Variants in ARHGEF1 observed in about 807,000 individuals in gnomAD.
ARHGEF1 encodes the protein 115 kDa guanine nucleotide exchange factor.
In ARHGEF1, 40 loss-of-function variants were observed where a neutral mutation model predicts 119.7. The ratio of observed to expected loss-of-function variants is 0.33; its 90% CI spans 0.26 to 0.44. ARHGEF1 has a LOEUF of 0.44. Among genes scored for constraint, ARHGEF1 ranks in the 20% least tolerant of loss-of-function variants. The pLI is 1.00. For missense variants in ARHGEF1, 976 were observed against 1,268.3 expected, an observed-to-expected ratio of 0.77 and a Z score of 3.50; for synonymous variants, 494 against 521.0, an observed-to-expected ratio of 0.95 and a Z score of 0.71.
rs1555850544 is a variant in ARHGEF1, at chr19:41,907,321, C to T, written c.*234C>T. Reference sequence around the variant, plus strand: ...GGACTCAGGGCTCCATTCTGGAGGGCACCACGGTGACCCGGGCCATCTCAG... The same window carrying T: ...GGACTCAGGGCTCCATTCTGGAGGGTACCACGGTGACCCGGGCCATCTCAG... On this transcript the variant is annotated 3_prime_UTR_variant, in exon 29 of 29. Coordinates refer to ENST00000354532, the MANE Select transcript of ARHGEF1 (RefSeq NM_004706.4). 14 of 1,534,252 alleles carry T rather than the reference C, an allele frequency of 9.1e-6. No individual in the cohort carries two copies. The African/African-American group carries it at 9.6e-5, about 11-fold the overall frequency.
chr19:41,919,120 ACAT>A (rs2074822294), upstream of ARHGEF1, among the ~76,000 whole-genome samples: 1 of 151,404 alleles, frequency 6.6e-6, no homozygotes, highest in South Asian at 2.1e-4. Flanking sequence ...CATACCACAC[ACAT>A]CACCCACATA....
chr19:41,892,787 CAGCTACG>C lies in ARHGEF1; in HGVS notation c.555_561del (p.Ser185ArgfsTer63). 1 of 1,600,060 alleles carries C rather than the reference CAGCTACG, an allele frequency of 6.2e-7. No homozygotes were observed. Among genetic ancestry groups the C allele is most frequent in the Non-Finnish European group, 8.5e-7 (1 of 1,175,430 alleles). On this transcript the variant is annotated frameshift_variant, in exon 7 of 29. Coordinates refer to ENST00000354532, the MANE Select transcript of ARHGEF1 (RefSeq NM_004706.4). LOFTEE classifies it high-confidence loss of function. The surrounding 1 kb of genome is among the most constrained non-coding windows in gnomAD (Gnocchi z 6.3). ...AGGCTTGGGTTGGGCGGGACCGAGC[CAGCTACG>C]AGGCCCGGGAGCGGCACGTGGCGGA...
At chr19:41,925,601 G>A (rs1216480730) in intron 1 of ARHGEF1, among the ~76,000 whole-genome samples, 1 of 152,144 alleles carries the variant, frequency 6.6e-6, no homozygotes, top group Non-Finnish European at 1.5e-5. Flanking sequence ...CCATGAGGAG[G>A]GTACTAGTGT....
intron 13 of ARHGEF1, chr19:41,897,202 T>C (rs1228296924): frequency 9.2e-7 from 1 of 1,082,230 alleles, no homozygotes; most frequent in Non-Finnish European, 1.2e-6. Flanking sequence ...GGGGGCAGGC[T>C]CTGCCTCCTG....
At chr19:41,923,696 G>A (rs1555852908) in intron 1 of ARHGEF1, among the ~76,000 whole-genome samples, 1 of 52,276 alleles carries the variant, frequency 1.9e-5, no homozygotes, top group Non-Finnish European at 3.7e-5. Flanking sequence ...AGGCAGGGGT[G>A]TGCTGGGAGG....
chr19:41,887,871 C>T (rs1257467631), intron 1 of ARHGEF1, among the ~76,000 whole-genome samples, 193 bp from the exon 2 acceptor site: 7 of 152,218 alleles, frequency 4.6e-5, no homozygotes, highest in Non-Finnish European at 8.8e-5. Flanking sequence ...GCAAGGCTCC[C>T]GTCCCTGGGC....
At position 41,892,898 on chromosome 19, in the gene ARHGEF1, G is replaced by T; in HGVS notation, c.614+49G>T. 6.9e-7 allele frequency: 1 copy of T among 1,449,324 alleles called. No homozygotes were observed. Among genetic ancestry groups the T allele is most frequent in the South Asian group, 1.4e-5 (1 of 72,658 alleles). The allele number at this position is 1,449,324 out of a possible 1,614,324, so 89.8% of individuals were successfully genotyped here. A position where few individuals can be genotyped will look rare whatever the true frequency, so the allele number is the denominator to read the frequency against. ...AGCGTCGCCCCTCCCCAGCACAAGG[G>T]CACCCGTGCTACCTCTGGCATGTTC... On this transcript the variant is annotated intron_variant, in intron 7 of 28. Transcript: ENST00000354532. This position sits in a 1 kb window ranked among gnomAD's most constrained non-coding sequence, Gnocchi z 6.3.
In ARHGEF1 at chr19:41,902,947, A is replaced by G; in HGVS notation, c.1738+49A>G. On this transcript the variant is annotated intron_variant, in intron 18 of 28. Transcript: ENST00000354532. This position sits in a 1 kb window ranked among gnomAD's most constrained non-coding sequence, Gnocchi z 6.5. ...GCCTCGGCTCTCCTCTTTTTTTTTTACATTTTTTTTCTCACTCATTTTCAT... is the reference window on the plus strand; with the variant it reads ...GCCTCGGCTCTCCTCTTTTTTTTTTGCATTTTTTTTCTCACTCATTTTCAT... The G allele has an allele frequency of 7.2e-7, 1 of 1,392,896 alleles. No homozygotes were observed. The highest frequency in any genetic ancestry group is 2.4e-5 in the Admixed American group (1 of 41,122). The allele number at this position is 1,392,896 out of a possible 1,614,324, so 86.3% of individuals were successfully genotyped here. A position where few individuals can be genotyped will look rare whatever the true frequency, so the allele number is the denominator to read the frequency against.
chr19:41,908,787 G>T (rs1599670301), downstream of ARHGEF1: 1 of 543,168 alleles, frequency 1.8e-6, no homozygotes, highest in Non-Finnish European at 2.8e-6. The surrounding 1 kb of genome is among the most constrained non-coding windows in gnomAD (Gnocchi z 6.7). Flanking sequence ...CCTCCTACAT[G>T]GCATCTTACC....
At chr19:41,908,204 C>T (rs1162398891), downstream of ARHGEF1, 1 of 1,231,634 alleles carries the variant, frequency 8.1e-7, no homozygotes, top group Admixed American at 4.2e-5. The surrounding 1 kb of genome is among the most constrained non-coding windows in gnomAD (Gnocchi z 6.7). Context: ...CCTGCCTCAG[C>T]AGAATCCATT....
Position 41,892,627 on chromosome 19 carries a change from C to G in ARHGEF1, c.392C>G (p.Ser131Cys). The G allele has an allele frequency of 6.2e-7, 1 of 1,609,984 alleles. No homozygotes were observed. The highest frequency in any genetic ancestry group is 1.1e-5 in the South Asian group (1 of 90,538). The change falls in exon 7 of 29, where the codon TCC (serine) becomes TGC (cysteine). Residue 131 changes from serine to cysteine, a missense_variant. By Grantham distance (112) the Ser-to-Cys change is moderately radical. Transcript: ENST00000354532. This position sits in a 1 kb window ranked among gnomAD's most constrained non-coding sequence, Gnocchi z 6.3. ...GACCGCACTAGGGCTGACCTCATCT[C>G]CGAGGATGTCCAGCGGCGGTTCGTG... Reference protein sequence around the residue: ...ELDRTRADLISEDVQRRFVQE... With the variant: ...ELDRTRADLICEDVQRRFVQE...
intron 12 of ARHGEF1, 42 bp from the exon 13 acceptor site, chr19:41,896,333 GCC>G: frequency 8.6e-7 from 1 of 1,166,908 alleles, no homozygotes; most frequent in Non-Finnish European, 1.1e-6. Flanking sequence ...GGGTCTCGTG[GCC>G]GCAGAGGCCT....
downstream of ARHGEF1, chr19:41,908,552 G>A (rs782525663): frequency 3.0e-5 from 37 of 1,231,686 alleles, no homozygotes; most frequent in Non-Finnish European, 3.5e-5. This position sits in a 1 kb window ranked among gnomAD's most constrained non-coding sequence, Gnocchi z 6.7. Flanking sequence ...AATGCGGGGG[G>A]TAGAGAGAGG....
chr19:41,894,364 T>A (rs2074441575), intron 9 of ARHGEF1, 58 bp downstream of exon 9: 1 of 1,515,400 alleles, frequency 6.6e-7, no homozygotes. Context: ...CCTGGGAGCC[T>A]CATGACTCTG....
chr19:41,920,652 T>C (rs1555852398), upstream of ARHGEF1, among the ~76,000 whole-genome samples: 1 of 152,224 alleles, frequency 6.6e-6, no homozygotes, highest in Admixed American at 6.5e-5. Context: ...GGAGCACGCA[T>C]GTCTACACAG....
intron 1 of ARHGEF1, among the ~76,000 whole-genome samples, chr19:41,885,513 G>A (rs1406190809): frequency 1.3e-5 from 2 of 152,178 alleles, no homozygotes; most frequent in East Asian, 3.9e-4. Flanking sequence ...CCAGGCTGGA[G>A]TGCAGTGGCG....
chr19:41,915,953 CG>C (rs1398555872), intron 18 of ARHGEF1, among the ~76,000 whole-genome samples: 245 of 152,140 alleles, frequency 1.6e-3, no homozygotes, highest in African/African-American at 5.7e-3. Context: ...CCCCGCCGGC[CG>C]GCGTGGTGCG....
In ARHGEF1 at chr19:41,905,665, C is replaced by A; in HGVS notation, c.2337-95C>A. ...CTCGACCTCTGTCTCTGTCTCCGGA[C>A]CTCCCTGCCTCCCCACCTCCAGCTC... On this transcript the variant is annotated intron_variant, in intron 24 of 28. Transcript: ENST00000354532. The surrounding 1 kb of genome is among the most constrained non-coding windows in gnomAD (Gnocchi z 6.4). The A allele has an allele frequency of 1.5e-6, 2 of 1,327,646 alleles. No homozygotes were observed. Among genetic ancestry groups the A allele is most frequent in the South Asian group, 1.2e-5 (1 of 81,384 alleles). The allele number at this position is 1,327,646 out of a possible 1,614,324, so 82.2% of individuals were successfully genotyped here. A position where few individuals can be genotyped will look rare whatever the true frequency, so the allele number is the denominator to read the frequency against.
In ARHGEF1 at chr19:41,901,986, A is replaced by T; in HGVS notation, c.1367A>T (p.Glu456Val). Residue 456 changes from glutamate (E) to valine (V), a missense_variant, in exon 15 of 29, where the codon GAG (glutamate) becomes GTG (valine). This residue lies in a region of ARHGEF1 where 286 missense variants were observed against 506.8 expected (regional missense o/e 0.56). Transcript: ENST00000354532. Reference protein sequence around the residue: ...MAECLFFPLEELQNIFPSLDE... With the variant: ...MAECLFFPLEVLQNIFPSLDE... ...GAATGCCTGTTCTTCCCCTTGGAGG[A>T]GCTGCAGAACATCTTCCCCAGCCTG... The T allele has an allele frequency of 6.2e-7, 1 of 1,614,066 alleles. No homozygotes were observed. Among genetic ancestry groups the T allele is most frequent in the Admixed American group, 1.7e-5 (1 of 60,024 alleles).
Sources: gnomAD v4.1 joint callset for allele counts (sites outside exome capture counted in the v4.1 genomes callset) on GRCh38, gnomAD v4.1.1 for gene constraint, gnomAD v4.1.1 regional missense constraint, Gnocchi (gnomAD v3.1) non-coding constraint, MANE v1.5 for transcripts, NCBI Gene and HGNC (gene_info 2026-07-23, HGNC 2026-07-21) for gene names.